The following PCDHGB7 variants were observed in gnomAD, a reference collection of about 807,000 sequenced individuals.
The protein encoded by PCDHGB7 is protocadherin gamma-B7.
In PCDHGB7, 37 loss-of-function variants were observed where a neutral mutation model predicts 61.4. That is an observed-to-expected ratio of 0.60 (90% CI 0.46 to 0.79). The LOEUF is 0.79. Ranked by LOEUF, PCDHGB7 falls within the 30% of genes least tolerant of loss-of-function variation. The pLI is 0.00. For synonymous variants in PCDHGB7, 464 were observed against 503.5 expected, an observed-to-expected ratio of 0.92 and a Z score of 1.05; for missense variants, 1,166 against 1,202.5, an observed-to-expected ratio of 0.97 and a Z score of 0.45.
In PCDHGB7 at chr5:141,419,504, C is replaced by A; in HGVS notation, c.1645C>A (p.Arg549Ser). 6.2e-7 allele frequency: 1 copy of A among 1,612,298 alleles called. No individual in the cohort carries two copies. Among genetic ancestry groups the A allele is most frequent in the Non-Finnish European group, 8.5e-7 (1 of 1,179,502 alleles). Residue 549 changes from arginine (R) to serine (S), a missense_variant, in exon 1 of 4, where the codon CGC (arginine) becomes AGC (serine). Coordinates refer to ENST00000398594, the MANE Select transcript of PCDHGB7 (RefSeq NM_018927.4). The part of the protein sequence containing the change: ...SPALSANVSL[R>S]VLVGDRNDNA... ...CGCGCTCAGCGCCAATGTGAGCCTG[C>A]GCGTGTTGGTGGGCGACCGTAACGA...
intron 1 of PCDHGB7, among the ~76,000 whole-genome samples, chr5:141,433,680 A>G (rs570459317): frequency 1.3e-5 from 2 of 152,236 alleles, no homozygotes; most frequent in African/African-American, 4.8e-5. Context: ...TACTAAAAAA[A>G]TACAAAATTA....
chr5:141,474,083 A>G (rs771906750), intron 1 of PCDHGB7, among the ~76,000 whole-genome samples: 2 of 152,190 alleles, frequency 1.3e-5, no homozygotes, highest in African/African-American at 2.4e-5. Flanking sequence ...AACAAAAACC[A>G]AAAAACAAAC....
chr5:141,467,788 A>G (rs2099151778), intron 1 of PCDHGB7, among the ~76,000 whole-genome samples: 1 of 152,020 alleles, frequency 6.6e-6, no homozygotes. Flanking sequence ...CCTCTCAAGT[A>G]GCTGGGACTA....
Position 141,511,072 on chromosome 5 carries a change from A to C in PCDHGB7, c.2689A>C (p.Ser897Arg). The C allele has an allele frequency of 6.2e-7, 1 of 1,614,252 alleles. No individual in the cohort carries two copies. Among genetic ancestry groups the C allele is most frequent in the Non-Finnish European group, 8.5e-7 (1 of 1,180,034 alleles). Residue 897 changes from serine to arginine, a missense_variant, in exon 4 of 4, where the codon AGC (serine) becomes CGC (arginine). Ser to Arg is a moderately radical substitution (Grantham distance 110). Coordinates refer to ENST00000398594, the MANE Select transcript of PCDHGB7 (RefSeq NM_018927.4). ...CCGCCAGAATGTCTACATCCCAGGC[A>C]GCAATGCCACACTGACCAACGCAGC... ...DYRQNVYIPG[S>R]NATLTNAAGK...
chr5:141,432,586 C>T lies in PCDHGB7; in HGVS notation c.2415+12312C>T. The T allele has an allele frequency of 1.9e-6, 3 of 1,613,852 alleles. No homozygotes were observed. Among genetic ancestry groups the T allele is most frequent in the Non-Finnish European group, 2.5e-6 (3 of 1,179,972 alleles). On this transcript the variant is annotated intron_variant, in intron 1 of 3. Transcript: ENST00000398594. The surrounding 1 kb of genome is among the most constrained non-coding windows in gnomAD (Gnocchi z 6.0). ...ACGCCTGGCTGTCCTACCGTCTGCT[C>T]AAGGCCAGCGAGCCGGGACTCTTCT...
At position 141,431,374 on chromosome 5, in the gene PCDHGB7, G is replaced by T. The variant is rs1561851775; in HGVS notation, c.2415+11100G>T. On this transcript the variant is annotated intron_variant, in intron 1 of 3. Coordinates refer to ENST00000398594, the MANE Select transcript of PCDHGB7 (RefSeq NM_018927.4). The surrounding 1 kb of genome is among the most constrained non-coding windows in gnomAD (Gnocchi z 4.8). ...AACGCGCCCTGGACCGCGAAGAAAA[G>T]GCTGCTCACCACCTGGTCCTTACGG... 1.9e-6 allele frequency: 3 copies of T among 1,613,862 alleles called. No individual in the cohort carries two copies. Among genetic ancestry groups the T allele is most frequent in the Non-Finnish European group, 2.5e-6 (3 of 1,180,044 alleles).
chr5:141,476,897 A>G lies in PCDHGB7; in HGVS notation c.2416-17910A>G. ...CGTCCTGGAGGATGCACCCTCCGGC[A>G]CGCGCGTGGTACAAGTCCTTGCAAC... On this transcript the variant is annotated intron_variant, in intron 1 of 3. Coordinates refer to ENST00000398594, the MANE Select transcript of PCDHGB7 (RefSeq NM_018927.4). The surrounding 1 kb of genome is among the most constrained non-coding windows in gnomAD (Gnocchi z 7.6). 1 of 1,613,938 alleles carries G rather than the reference A, an allele frequency of 6.2e-7. No individual in the cohort carries two copies. Among genetic ancestry groups the G allele is most frequent in the Non-Finnish European group, 8.5e-7 (1 of 1,180,012 alleles).
At chr5:141,422,849 C>T in intron 1 of PCDHGB7, 1 of 1,614,238 alleles carries the variant, frequency 6.2e-7, no homozygotes, top group Non-Finnish European at 8.5e-7. Context: ...AGCGGGGACC[C>T]GCCCCTCAGC....
intron 1 of PCDHGB7, among the ~76,000 whole-genome samples, chr5:141,435,225 A>G (rs919735003): frequency 5.9e-5 from 9 of 152,188 alleles, no homozygotes; most frequent in Non-Finnish European, 1.2e-4. Context: ...CTTTCTTTCA[A>G]AGTTCAGTAA....
Position 141,431,075 on chromosome 5 carries a change from C to G in PCDHGB7, c.2415+10801C>G. ...GGGGGCCATCAAGTGTCAATTAAAT[C>G]TAGACATTCTGATGGAGGATAAAGT... is the stretch of plus-strand genomic sequence containing the variant. On this transcript the variant is annotated intron_variant, in intron 1 of 3. Coordinates refer to ENST00000398594, the MANE Select transcript of PCDHGB7 (RefSeq NM_018927.4). The surrounding 1 kb of genome is among the most constrained non-coding windows in gnomAD (Gnocchi z 4.8). 1 of 1,614,156 alleles carries G rather than the reference C, an allele frequency of 6.2e-7. No homozygotes were observed. Among genetic ancestry groups the G allele is most frequent in the Non-Finnish European group, 8.5e-7 (1 of 1,179,984 alleles).
intron 1 of PCDHGB7, among the ~76,000 whole-genome samples, chr5:141,463,393 C>CA (rs955461719): frequency 5.7e-5 from 8 of 140,804 alleles, no homozygotes; most frequent in Non-Finnish European, 7.6e-5. Flanking sequence ...TGTCTCCAGG[C>CA]AAAAAAAATG....
Position 141,489,690 on chromosome 5 carries a change from A to T in PCDHGB7, c.2416-5117A>T. The T allele has an allele frequency of 6.2e-7, 1 of 1,614,198 alleles. No individual in the cohort carries two copies. The highest frequency in any genetic ancestry group is 8.5e-7 in the Non-Finnish European group (1 of 1,180,024). ...TCTCAGAATCAGCAGCATCTGGGGC[A>T]CGATTCCCACTGGACAGTGCCCAGG... On this transcript the variant is annotated intron_variant, in intron 1 of 3. Coordinates refer to ENST00000398594, the MANE Select transcript of PCDHGB7 (RefSeq NM_018927.4). The surrounding 1 kb of genome is among the most constrained non-coding windows in gnomAD (Gnocchi z 4.5).
chr5:141,491,503 G>C lies in PCDHGB7; in HGVS notation c.2416-3304G>C. On this transcript the variant is annotated intron_variant, in intron 1 of 3. Coordinates refer to ENST00000398594, the MANE Select transcript of PCDHGB7 (RefSeq NM_018927.4). The surrounding 1 kb of genome is among the most constrained non-coding windows in gnomAD (Gnocchi z 6.9). ...CCCCAACCTGCAGGTGAGCTCGGACGGCACGCTCAAGTACATGGAGGTGAC... is the reference window on the plus strand; with the variant it reads ...CCCCAACCTGCAGGTGAGCTCGGACCGCACGCTCAAGTACATGGAGGTGAC... The C allele has an allele frequency of 6.2e-7, 1 of 1,614,030 alleles. No homozygotes were observed.
Position 141,486,639 on chromosome 5 carries a change from T to G in PCDHGB7, c.2416-8168T>G, listed in dbSNP as rs1250700423. ...GACCCAGACTCTGGCTTGAATGCGC[T>G]TATCTCCTACTCACTCCTGGAGCCC... On this transcript the variant is annotated intron_variant, in intron 1 of 3. Transcript: ENST00000398594. The surrounding 1 kb of genome is among the most constrained non-coding windows in gnomAD (Gnocchi z 5.0). The G allele has an allele frequency of 6.2e-7, 1 of 1,613,818 alleles. No individual in the cohort carries two copies. The highest frequency in any genetic ancestry group is 1.1e-5 in the South Asian group (1 of 91,084).
intron 1 of PCDHGB7, chr5:141,423,750 TGGG>T: frequency 4.5e-5 from 13 of 287,436 alleles, no homozygotes; most frequent in South Asian, 1.7e-4. Flanking sequence ...GAAAACTGTT[TGGG>T]GGGGGGGTGG....
intron 1 of PCDHGB7, among the ~76,000 whole-genome samples, chr5:141,464,749 T>A (rs1026757405): frequency 6.6e-6 from 1 of 152,216 alleles, no homozygotes; most frequent in African/African-American, 2.4e-5. Context: ...ATCTTTTTGT[T>A]TTTTTAGAGA....
intron 1 of PCDHGB7, among the ~76,000 whole-genome samples, chr5:141,470,239 A>G (rs978204909): frequency 1.3e-5 from 2 of 152,232 alleles, no homozygotes; most frequent in African/African-American, 2.4e-5. Flanking sequence ...AAACCCTTGA[A>G]TGTCCCACCT....
At chr5:141,450,792 G>T (rs1222162745) in intron 1 of PCDHGB7, among the ~76,000 whole-genome samples, 2 of 149,686 alleles carry the variant, frequency 1.3e-5, no homozygotes, top group Non-Finnish European at 3.0e-5. Context: ...CGGACCTCAT[G>T]ATTGTATTTA....
chr5:141,423,170 A>T (rs755141371), intron 1 of PCDHGB7: 1 of 1,613,504 alleles, frequency 6.2e-7, no homozygotes, highest in South Asian at 1.1e-5. Flanking sequence ...GTGGCCGTCC[A>T]GGACCACGGC....
Sources: allele counts gnomAD v4.1 joint callset (sites outside exome capture counted in the v4.1 genomes callset), GRCh38; gene constraint gnomAD v4.1.1; non-coding constraint Gnocchi (gnomAD v3.1); transcripts MANE v1.5; gene names NCBI Gene and HGNC (gene_info 2026-07-23, HGNC 2026-07-21).